The following DMD variants were observed in gnomAD, a reference collection of about 807,000 sequenced individuals.
The protein encoded by DMD is dystrophin, also known as mutant dystrophin.
A neutral mutation model predicts 330.1 loss-of-function variants in DMD; 63 were observed. That is an observed-to-expected ratio of 0.19 (90% CI 0.16 to 0.24). The LOEUF is 0.24. Ranked by LOEUF, DMD falls within the 10% of genes least tolerant of loss-of-function variation. The pLI is 1.00. For missense variants in DMD, 3,344 were observed against 2,684.1 expected (o/e 1.25, Z -5.43); for synonymous variants, 1,223 against 959.8 (o/e 1.27, Z -5.07).
chrX:32,500,419 T>C (rs778010468), intron 19 of DMD, among the ~76,000 whole-genome samples: 14 of 111,646 alleles, frequency 1.3e-4, no homozygotes, highest in Non-Finnish European at 2.3e-4. Flanking sequence ...TACCAAAAAT[T>C]AAAAATCATT....
chrX:31,798,013 A>AT (rs1263026974), intron 50 of DMD, among the ~76,000 whole-genome samples: 1 of 111,970 alleles, frequency 8.9e-6, no homozygotes, highest in African/African-American at 3.2e-5. Context: ...CTCAAACAAT[A>AT]TTTTTGCTTT....
At chrX:32,635,067 C>T (rs1157662817) in intron 11 of DMD, among the ~76,000 whole-genome samples, 2 of 111,859 alleles carry the variant, frequency 1.8e-5, no homozygotes, top group African/African-American at 3.3e-5. Context: ...TCTAAATGCT[C>T]CCTCTGCGGG....
intron 1 of DMD, among the ~76,000 whole-genome samples, chrX:33,133,679 C>G (rs1175902987): frequency 1.8e-5 from 2 of 111,928 alleles, no homozygotes; most frequent in African/African-American, 6.5e-5. Context: ...TTTGGCTTCT[C>G]TCCTAGGGAG....
chrX:32,462,186 C>A (rs187953646), intron 25 of DMD, among the ~76,000 whole-genome samples: 2 of 111,081 alleles, frequency 1.8e-5, no homozygotes, highest in African/African-American at 6.5e-5. Flanking sequence ...TGATACCTAA[C>A]CCTATATACA....
intron 45 of DMD, among the ~76,000 whole-genome samples, chrX:31,950,725 T>G (rs1445898269): frequency 1.8e-5 from 2 of 111,016 alleles, no homozygotes; most frequent in Non-Finnish European, 3.8e-5. Flanking sequence ...ACCCCTTATA[T>G]AATTAAAAAT....
intron 2 of DMD, among the ~76,000 whole-genome samples, chrX:32,987,919 TA>T (rs1430994515): frequency 9.1e-6 from 1 of 109,517 alleles, no homozygotes; most frequent in Admixed American, 9.9e-5. Flanking sequence ...ATGAAAATGG[TA>T]AAAATTATAA....
intron 9 of DMD, among the ~76,000 whole-genome samples, chrX:32,661,433 G>A (rs915093020): frequency 9.9e-5 from 11 of 111,230 alleles, no homozygotes; most frequent in Admixed American, 2.9e-4. Flanking sequence ...GCCCAAGGTC[G>A]AAGAGCTAAT....
At chrX:31,950,512 T>G (rs933507406) in intron 45 of DMD, among the ~76,000 whole-genome samples, 1 of 110,878 alleles carries the variant, frequency 9.0e-6, no homozygotes, top group African/African-American at 3.3e-5. Flanking sequence ...AGCTGGTTGA[T>G]AGTGTTGGTG....
intron 1 of DMD, among the ~76,000 whole-genome samples, chrX:33,032,765 T>C (rs960699143): frequency 2.7e-5 from 3 of 112,430 alleles, no homozygotes; most frequent in Admixed American, 9.4e-5. Flanking sequence ...AGTGAGTTAT[T>C]GTAATAGCAA....
chrX:32,753,230 T>G (rs1372000754), intron 7 of DMD, among the ~76,000 whole-genome samples: 1 of 112,054 alleles, frequency 8.9e-6, no homozygotes, highest in East Asian at 2.8e-4. Flanking sequence ...CTCTGAATTT[T>G]AAATAGTACA....
chrX:32,780,165 C>CA (rs2074577492), intron 7 of DMD, among the ~76,000 whole-genome samples: 1 of 111,672 alleles, frequency 9.0e-6, no homozygotes, highest in African/African-American at 3.3e-5. Context: ...CTAATTGTAA[C>CA]AGTCAATTTT....
intron 2 of DMD, among the ~76,000 whole-genome samples, chrX:32,890,743 G>GT (rs2085123764): frequency 8.9e-6 from 1 of 111,887 alleles, no homozygotes; most frequent in Non-Finnish European, 1.9e-5. Flanking sequence ...ATAGCCACTA[G>GT]TTATATGTGG....
At chrX:32,593,756 G>A (rs1242706027) in intron 13 of DMD, among the ~76,000 whole-genome samples, 2 of 112,331 alleles carry the variant, frequency 1.8e-5, no homozygotes, top group African/African-American at 6.5e-5. Flanking sequence ...CTCTAAAACT[G>A]AAGACTATAT....
intron 16 of DMD, among the ~76,000 whole-genome samples, chrX:32,554,943 G>GAAAGAA (rs1569190988): frequency 1.1e-4 from 2 of 18,296 alleles, no homozygotes; most frequent in African/African-American, 5.1e-4. Context: ...GAAAGAAAGA[G>GAAAGAA]AGAGAGAGGG....
At chrX:32,662,098 A>C (rs1427352092) in intron 9 of DMD, among the ~76,000 whole-genome samples, 1 of 111,678 alleles carries the variant, frequency 9.0e-6, no homozygotes, top group Non-Finnish European at 1.9e-5. Flanking sequence ...TATATTTTCA[A>C]AATAGCCTCT....
intron 2 of DMD, among the ~76,000 whole-genome samples, chrX:32,865,016 T>C (rs1184811455): frequency 9.0e-6 from 1 of 111,666 alleles, no homozygotes; most frequent in African/African-American, 3.3e-5. Flanking sequence ...GTAAGTTAAA[T>C]AATATAGTAT....
Position 31,480,233 on chromosome X carries a change from G to A in DMD, c.8548-1130C>T, listed in dbSNP as rs182341114. On this transcript the variant is annotated intron_variant, in intron 57 of 78. Transcript: ENST00000357033. ...TCAGATATGCCATTATGTTACAGAAGTGTTCCAGAGCTGTATTGTATGACA... is the reference window on the plus strand; with the variant it reads ...TCAGATATGCCATTATGTTACAGAAATGTTCCAGAGCTGTATTGTATGACA... Among the ~76,000 whole-genome samples, 142 of 111,571 alleles carry A rather than the reference G, an allele frequency of 1.3e-3. 1 individual carries two copies. Among genetic ancestry groups the A allele is most frequent in the African/African-American group, 4.3e-3 (133 of 30,801 alleles).
chrX:31,452,949 T>C (rs1410633352), intron 59 of DMD, among the ~76,000 whole-genome samples: 1 of 111,527 alleles, frequency 9.0e-6, no homozygotes, highest in Non-Finnish European at 1.9e-5. Flanking sequence ...ATACACCCGG[T>C]AAGGGGTCAG....
chrX:31,666,446 T>C (rs2081432540), intron 53 of DMD, among the ~76,000 whole-genome samples: 1 of 112,075 alleles, frequency 8.9e-6, no homozygotes, highest in Admixed American at 9.5e-5. Context: ...GTAACATGAG[T>C]AAAATATAGA....
Sources: allele counts gnomAD v4.1 joint callset (sites outside exome capture counted in the v4.1 genomes callset), GRCh38; gene constraint gnomAD v4.1.1; transcripts MANE v1.5; gene names NCBI Gene and HGNC (gene_info 2026-07-23, HGNC 2026-07-21).